Variants in MAGI1 observed in about 807,000 individuals in gnomAD.
The protein encoded by MAGI1 is membrane-associated guanylate kinase, WW and PDZ domain-containing protein 1.
In MAGI1, 58 loss-of-function variants were observed where a neutral mutation model predicts 139.9. The observed-to-expected ratio is 0.41, with a 90% CI of 0.34 to 0.52. MAGI1 has a LOEUF of 0.52. MAGI1 is among the 20% of genes least tolerant of loss of function. The pLI, the probability that MAGI1 is intolerant of heterozygous loss-of-function variation, is 0.12. For missense variants in MAGI1, 1,874 were observed against 1,901.6 expected (o/e 0.99, Z 0.27); for synonymous variants, 812 against 737.9 (o/e 1.10, Z -1.63).
At chr3:65,493,033 G>A (rs1180071696) in intron 3 of MAGI1, among the ~76,000 whole-genome samples, 12 of 147,066 alleles carry the variant, frequency 8.2e-5, no homozygotes, top group Middle Eastern at 3.6e-3. Flanking sequence ...AGCCAAGATC[G>A]CGCCACTGCA....
rs147325747 is a variant in MAGI1, at chr3:65,396,114, G to A, written c.2200-4756C>T. Among the ~76,000 whole-genome samples, 471 of 152,252 alleles carry A rather than the reference G, an allele frequency of 3.1e-3. 2 individuals are homozygous for A. The highest frequency in any genetic ancestry group is 0.011 in the African/African-American group (452 of 41,540). ...GAGGATGGAGGGGACAGGAGAGAAG[G>A]GAGGTGAAGAGGATCACCAAAAGGA... is the stretch of plus-strand genomic sequence containing the variant. On this transcript the variant is annotated intron_variant, in intron 13 of 22. Coordinates refer to ENST00000402939, the MANE Select transcript of MAGI1 (RefSeq NM_001033057.2).
intron 1 of MAGI1, among the ~76,000 whole-genome samples, chr3:66,007,499 TGAG>T (rs1452652540): frequency 1.3e-5 from 2 of 151,930 alleles, no homozygotes; most frequent in South Asian, 2.1e-4. Context: ...CCAACTCTAG[TGAG>T]GAGGAGGAGA....
chr3:65,890,082 C>A (rs1007658709), intron 1 of MAGI1, among the ~76,000 whole-genome samples: 1 of 151,796 alleles, frequency 6.6e-6, no homozygotes, highest in African/African-American at 2.4e-5. Context: ...TCATGATATG[C>A]CGGCCAGTCG....
chr3:65,712,424 T>C (rs1349030877), intron 1 of MAGI1, among the ~76,000 whole-genome samples: 2 of 144,202 alleles, frequency 1.4e-5, no homozygotes. Flanking sequence ...GCAGCTACCA[T>C]CTGGCTGCAA....
chr3:65,804,849 T>TA (rs1485609066), intron 1 of MAGI1, among the ~76,000 whole-genome samples: 3 of 152,176 alleles, frequency 2.0e-5, no homozygotes, highest in Non-Finnish European at 4.4e-5. Context: ...GGATTCCCTA[T>TA]TTAATAAATG....
At chr3:65,490,025 C>T (rs1951892885) in intron 3 of MAGI1, among the ~76,000 whole-genome samples, 1 of 152,102 alleles carries the variant, frequency 6.6e-6, no homozygotes. Flanking sequence ...ATGGTGAGTA[C>T]CTGGGAAGTA....
At chr3:65,492,947 A>G (rs191700163) in intron 3 of MAGI1, among the ~76,000 whole-genome samples, 1,800 of 152,108 alleles carry the variant, frequency 0.012, 34 homozygotes, top group African/African-American at 0.039. Flanking sequence ...GCATGGTGGC[A>G]GGCGCCTGTA....
chr3:65,605,474 T>C (rs1198106029), intron 2 of MAGI1, among the ~76,000 whole-genome samples: 1 of 152,186 alleles, frequency 6.6e-6, no homozygotes, highest in Admixed American at 6.5e-5. Flanking sequence ...TGAAAGTAAT[T>C]GTGCTTCCTG....
chr3:65,408,773 A>C (rs1945550654), intron 12 of MAGI1, among the ~76,000 whole-genome samples: 2 of 152,258 alleles, frequency 1.3e-5, no homozygotes, highest in South Asian at 4.1e-4. Flanking sequence ...AGGTACATTC[A>C]GCCTTCACAG....
intron 1 of MAGI1, among the ~76,000 whole-genome samples, chr3:65,820,678 A>G (rs1018427334): frequency 6.6e-6 from 1 of 152,116 alleles, no homozygotes; most frequent in Non-Finnish European, 1.5e-5. Flanking sequence ...TCTAAATCAA[A>G]CTAACTCAAG....
rs541844869 is a variant in MAGI1 at position 65,715,989 on chromosome 3, T to C, written c.314-93901A>G. ...TGTTGAAGTAGAGCTTTCAAAAAGT[T>C]TGTGTTACAATCAAAGGTATCCGAG... is the stretch of plus-strand genomic sequence containing the variant. On this transcript the variant is annotated intron_variant, in intron 1 of 22. Coordinates refer to ENST00000402939, the MANE Select transcript of MAGI1 (RefSeq NM_001033057.2). Among the ~76,000 whole-genome samples, 6 of 152,332 alleles carry C rather than the reference T, an allele frequency of 3.9e-5. No homozygotes were observed. The East Asian group carries it at 1.2e-3, about 29-fold the overall frequency.
intron 1 of MAGI1, among the ~76,000 whole-genome samples, chr3:65,760,472 TA>T (rs1269607756): frequency 6.6e-6 from 1 of 151,586 alleles, no homozygotes; most frequent in South Asian, 2.1e-4. Flanking sequence ...CACAGCATCC[TA>T]AAACTCCTAG....
intron 2 of MAGI1, among the ~76,000 whole-genome samples, chr3:65,552,108 C>T (rs1009003552): frequency 9.9e-5 from 15 of 152,262 alleles, no homozygotes; most frequent in Admixed American, 5.9e-4. Context: ...CTGTAGTACA[C>T]GGCATTCCTG....
chr3:65,659,795 T>TG (rs1298536773), intron 1 of MAGI1, among the ~76,000 whole-genome samples: 2 of 152,196 alleles, frequency 1.3e-5, no homozygotes, highest in South Asian at 2.1e-4. Context: ...CACCGGCGTT[T>TG]GGGGACCTCC....
At chr3:65,649,812 T>TA (rs978242342) in intron 1 of MAGI1, among the ~76,000 whole-genome samples, 2 of 152,212 alleles carry the variant, frequency 1.3e-5, no homozygotes, top group African/African-American at 4.8e-5. Context: ...AATTAGCTAT[T>TA]ACTACACACC....
chr3:65,499,508 G>T (rs1277335777), intron 2 of MAGI1, among the ~76,000 whole-genome samples: 3 of 152,090 alleles, frequency 2.0e-5, no homozygotes, highest in Non-Finnish European at 4.4e-5. Context: ...AATTAGCCAG[G>T]CATGGTGGCA....
chr3:65,649,322 C>G (rs546356972), intron 1 of MAGI1, among the ~76,000 whole-genome samples: 1 of 152,242 alleles, frequency 6.6e-6, no homozygotes, highest in South Asian at 2.1e-4. Context: ...TACAAGGTTA[C>G]AGTGAGCTGA....
At chr3:65,529,677 G>T (rs1015865839) in intron 2 of MAGI1, among the ~76,000 whole-genome samples, 1 of 152,114 alleles carries the variant, frequency 6.6e-6, no homozygotes, top group African/African-American at 2.4e-5. Context: ...GAACATTCAT[G>T]TATGAGTTTC....
chr3:65,360,802 T>C (rs1359786343), intron 22 of MAGI1: 1 of 1,032,514 alleles, frequency 9.7e-7, no homozygotes, highest in East Asian at 8.4e-5. Flanking sequence ...AAAAAATAAT[T>C]GTGCCTCAAC....
Sources: allele counts gnomAD v4.1 joint callset (sites outside exome capture counted in the v4.1 genomes callset), GRCh38; gene constraint gnomAD v4.1.1; transcripts MANE v1.5; gene names NCBI Gene and HGNC (gene_info 2026-07-23, HGNC 2026-07-21).